Variants in ABHD17C observed in about 807,000 individuals in gnomAD.
The protein encoded by ABHD17C is abhydrolase domain containing 17C, depalmitoylase.
Under a neutral mutation model 27.9 loss-of-function variants are expected in ABHD17C, and 11 were observed. The ratio of observed to expected loss-of-function variants is 0.39; its 90% CI spans 0.25 to 0.65. ABHD17C has a LOEUF of 0.65. Ranked by LOEUF, ABHD17C falls within the 30% of genes least tolerant of loss-of-function variation. The pLI is 0.45. For synonymous variants in ABHD17C, 233 were observed against 209.1 expected, an observed-to-expected ratio of 1.11 and a Z score of -0.98; for missense variants, 280 against 470.2, an observed-to-expected ratio of 0.60 and a Z score of 3.74.
chr15:80,711,172 G>A (rs780244068), intron 1 of ABHD17C, among the ~76,000 whole-genome samples: 4 of 152,136 alleles, frequency 2.6e-5, no homozygotes, highest in African/African-American at 4.8e-5. Flanking sequence ...CCCTGTAGGC[G>A]CTCTGCTCAT....
chr15:80,754,036 C>A, intron 2 of ABHD17C, 115 bp from the exon 3 acceptor site: 2 of 832,070 alleles, frequency 2.4e-6, no homozygotes, highest in South Asian at 3.6e-5. Flanking sequence ...AAAAAACCCA[C>A]GGTGTTATTT....
At chr15:80,703,573 A>C (rs1428501124) in intron 1 of ABHD17C, 1 of 152,168 alleles carries the variant, frequency 6.6e-6, no homozygotes, top group Non-Finnish European at 1.5e-5. Flanking sequence ...GGTACAGTGG[A>C]TCTCCACCTT....
At position 80,754,916 on chromosome 15, in the gene ABHD17C, G is replaced by C. The variant is rs1895413804; in HGVS notation, c.*546G>C. 6.6e-6 allele frequency: 1 copy of C among 152,454 alleles called. No homozygotes were observed. Among genetic ancestry groups the C allele is most frequent in the Non-Finnish European group, 1.5e-5 (1 of 68,308 alleles). 9.4% of individuals were successfully genotyped at this position (152,454 alleles called of 1,614,324 possible). A position where few individuals can be genotyped will look rare whatever the true frequency, so the allele number is the denominator to read the frequency against. On this transcript the variant is annotated 3_prime_UTR_variant, in exon 3 of 3. Coordinates refer to ENST00000258884, the MANE Select transcript of ABHD17C (RefSeq NM_021214.2). ...TAATTTACTGGAACTCTCGTGTACA[G>C]CTTCATCAACTGTAACCATATAAAT...
At chr15:80,748,884 G>A (rs1414460010) in intron 1 of ABHD17C, among the ~76,000 whole-genome samples, 2 of 151,670 alleles carry the variant, frequency 1.3e-5, no homozygotes, top group African/African-American at 4.9e-5. Context: ...CTGCAAGGGA[G>A]GCTGGGAAAT....
At chr15:80,733,274 G>C (rs543746137) in intron 1 of ABHD17C, among the ~76,000 whole-genome samples, 15 of 152,282 alleles carry the variant, frequency 9.9e-5, no homozygotes, top group African/African-American at 2.2e-4. Context: ...CATTAAGAGA[G>C]AGGACTCTAA....
chr15:80,720,105 T>G (rs1225751715), intron 1 of ABHD17C, among the ~76,000 whole-genome samples: 1 of 152,214 alleles, frequency 6.6e-6, no homozygotes, highest in Non-Finnish European at 1.5e-5. Context: ...CAGCCTCCTT[T>G]TCTTTTTGTT....
rs368078764 is a variant in ABHD17C, at chr15:80,738,778, A to G, written c.591-10735A>G. On this transcript the variant is annotated intron_variant, in intron 1 of 2. Coordinates refer to ENST00000258884, the MANE Select transcript of ABHD17C (RefSeq NM_021214.2). ...GATGGGGTGCTCAGGAGGAAGCATC[A>G]AAAGAAAGGAAGGGTGGGGAGGCTA... 7.2e-5 allele frequency among the ~76,000 whole-genome samples: 11 copies of G among 152,304 alleles called. 1 individual carries two copies. The highest frequency in any genetic ancestry group is 1.9e-4 in the East Asian group (1 of 5,186).
At chr15:80,710,619 G>A (rs1414717970) in intron 1 of ABHD17C, among the ~76,000 whole-genome samples, 1 of 152,230 alleles carries the variant, frequency 6.6e-6, no homozygotes, top group Non-Finnish European at 1.5e-5. Flanking sequence ...ACCAACAACA[G>A]TATTTGCTGA....
Position 80,728,264 on chromosome 15 carries a change from G to A in ABHD17C, c.591-21249G>A, listed in dbSNP as rs150632121. Among the ~76,000 whole-genome samples, 55 of 152,294 alleles carry A rather than the reference G, an allele frequency of 3.6e-4. No homozygotes were observed. In the East Asian group the frequency reaches 9.3e-3, roughly 26 times the overall value. ...AAGGAGAGTGACTGTATGAACACGT[G>A]CACGCACACTCACCTACCTACAAAC... On this transcript the variant is annotated intron_variant, in intron 1 of 2. Coordinates refer to ENST00000258884, the MANE Select transcript of ABHD17C (RefSeq NM_021214.2).
chr15:80,736,273 G>C (rs1229238642), intron 1 of ABHD17C, among the ~76,000 whole-genome samples: 1 of 151,730 alleles, frequency 6.6e-6, no homozygotes, highest in African/African-American at 2.4e-5. Context: ...ACGTGTTTTT[G>C]TTTTTTTTGA....
chr15:80,702,190 A>C (rs1330493975), intron 1 of ABHD17C, among the ~76,000 whole-genome samples: 3 of 152,170 alleles, frequency 2.0e-5, no homozygotes, highest in African/African-American at 7.2e-5. Flanking sequence ...AGTCTTCTCT[A>C]AAATTCAGTC....
intron 1 of ABHD17C, among the ~76,000 whole-genome samples, chr15:80,736,530 A>C (rs1172158964): frequency 6.6e-6 from 1 of 152,090 alleles, no homozygotes; most frequent in Non-Finnish European, 1.5e-5. Flanking sequence ...CTAAAGTTTA[A>C]TTTTTATTTT....
intron 1 of ABHD17C, among the ~76,000 whole-genome samples, chr15:80,727,882 A>G (rs1895002831): frequency 6.6e-6 from 1 of 152,168 alleles, no homozygotes; most frequent in Non-Finnish European, 1.5e-5. Flanking sequence ...TCCAGACTTC[A>G]CTTTGCCACT....
In ABHD17C at chr15:80,749,628, A is replaced by G. The variant is rs749742673; in HGVS notation, c.706A>G (p.Met236Val). Reference protein sequence around the residue: ...CAAVILHSPLMSGLRVAFPDT... With the variant: ...CAAVILHSPLVSGLRVAFPDT... ...AGCGGTAATTCTCCATTCCCCTCTGATGTCTGGTTTGCGTGTGGCTTTTCC... is the reference window on the plus strand; with the variant it reads ...AGCGGTAATTCTCCATTCCCCTCTGGTGTCTGGTTTGCGTGTGGCTTTTCC... Residue 236 changes from methionine (M) to valine (V), a missense_variant, in exon 2 of 3, where the codon ATG (methionine) becomes GTG (valine). Coordinates refer to ENST00000258884, the MANE Select transcript of ABHD17C (RefSeq NM_021214.2). 2 of 1,613,802 alleles carry G rather than the reference A, an allele frequency of 1.2e-6. No individual in the cohort carries two copies. The highest frequency in any genetic ancestry group is 1.7e-5 in the Admixed American group (1 of 59,996).
intron 1 of ABHD17C, among the ~76,000 whole-genome samples, chr15:80,732,397 C>G (rs1895069288): frequency 6.6e-6 from 1 of 152,228 alleles, no homozygotes; most frequent in South Asian, 2.1e-4. Context: ...AAGCAGCTCT[C>G]TTGGCAGTTT....
intron 1 of ABHD17C, among the ~76,000 whole-genome samples, chr15:80,722,076 C>G (rs1355014684): frequency 6.6e-6 from 1 of 151,970 alleles, no homozygotes; most frequent in Non-Finnish European, 1.5e-5. Context: ...CCCTGCAGCC[C>G]TGTTATAGCA....
At chr15:80,700,369 T>A (rs972451561) in intron 1 of ABHD17C, among the ~76,000 whole-genome samples, 1 of 152,162 alleles carries the variant, frequency 6.6e-6, no homozygotes, top group Non-Finnish European at 1.5e-5. Context: ...CATTTGTAAC[T>A]TAGGTGTCTG....
intron 2 of ABHD17C, among the ~76,000 whole-genome samples, chr15:80,753,775 T>A (rs1472812365): frequency 6.6e-6 from 1 of 152,162 alleles, no homozygotes; most frequent in East Asian, 1.9e-4. Flanking sequence ...AATGCAAAGT[T>A]GATTTAAGAA....
At chr15:80,698,288 C>T (rs1233599503) in intron 1 of ABHD17C, among the ~76,000 whole-genome samples, 1 of 152,038 alleles carries the variant, frequency 6.6e-6, no homozygotes, top group Non-Finnish European at 1.5e-5. Context: ...ATGGTCTCGA[C>T]CTCCTGACCT....
Sources: gnomAD v4.1 joint callset for allele counts (sites outside exome capture counted in the v4.1 genomes callset) on GRCh38, gnomAD v4.1.1 for gene constraint, MANE v1.5 for transcripts, NCBI Gene and HGNC (gene_info 2026-07-23, HGNC 2026-07-21) for gene names.